TMEM135: variants seen among roughly 807,000 people sequenced by gnomAD.
TMEM135 encodes transmembrane protein 135, also known as peroxisomal membrane protein 52.
Under a neutral mutation model 60.3 loss-of-function variants are expected in TMEM135, and 30 were observed. That is an observed-to-expected ratio of 0.50 (90% confidence interval 0.37 to 0.68). The LOEUF (loss-of-function observed/expected upper bound fraction) is 0.68, where lower values mean the gene tolerates loss of function less well. TMEM135 is among the 30% of genes least tolerant of loss of function. The pLI, the probability that TMEM135 is intolerant of heterozygous loss-of-function variation, is 0.00. For synonymous variants in TMEM135, 190 were observed against 186.7 expected, an observed-to-expected ratio of 1.02 and a Z score of -0.14; for missense variants, 468 against 548.8, an observed-to-expected ratio of 0.85 and a Z score of 1.47.
chr11:87,235,091 A>T (rs918277271), intron 5 of TMEM135, among the ~76,000 whole-genome samples: 47 of 152,148 alleles, frequency 3.1e-4, no homozygotes, highest in African/African-American at 1.0e-3. Flanking sequence ...GAGTGTCATG[A>T]CTGGGTTTTG....
intron 6 of TMEM135, among the ~76,000 whole-genome samples, chr11:87,261,752 G>T (rs993128451): frequency 6.6e-6 from 1 of 152,040 alleles, no homozygotes; most frequent in Admixed American, 6.5e-5. Context: ...CTCCTGGGTG[G>T]CTGGGACCAC....
Position 87,094,649 on chromosome 11 carries a change from T to C in TMEM135, c.396+3254T>C, listed in dbSNP as rs191871700. 60 of 160,156 alleles carry C rather than the reference T, an allele frequency of 3.7e-4. No homozygotes were observed. In the East Asian group the frequency reaches 0.01, roughly 27 times the overall value. 9.9% of individuals were successfully genotyped at this position (160,156 alleles called of 1,614,324 possible). ...TGAGGGCAGTAGCCCAAGACCAACC[T>C]GGGTAACATAATGAGACCCCGTATC... On this transcript the variant is annotated intron_variant, in intron 4 of 14. Transcript: ENST00000305494.
At chr11:87,158,711 G>T (rs1009903561) in intron 5 of TMEM135, among the ~76,000 whole-genome samples, 1 of 152,066 alleles carries the variant, frequency 6.6e-6, no homozygotes, top group Non-Finnish European at 1.5e-5. Context: ...TACTCCGCCC[G>T]TCTTGGCCTC....
intron 14 of TMEM135, among the ~76,000 whole-genome samples, chr11:87,320,512 A>T (rs541166876): frequency 6.6e-6 from 1 of 152,318 alleles, no homozygotes; most frequent in South Asian, 2.1e-4. Context: ...GTGATTCAAA[A>T]CTAATTTCAT....
At chr11:87,162,369 C>G (rs1231279084) in intron 5 of TMEM135, among the ~76,000 whole-genome samples, 2 of 152,172 alleles carry the variant, frequency 1.3e-5, no homozygotes, top group Admixed American at 6.5e-5. Context: ...TATCCCTCCC[C>G]TAGCCCTCCA....
intron 1 of TMEM135, among the ~76,000 whole-genome samples, chr11:87,053,960 G>T (rs1244534771): frequency 6.6e-6 from 1 of 152,084 alleles, no homozygotes; most frequent in Non-Finnish European, 1.5e-5. Flanking sequence ...TGGATACTAG[G>T]AATATAGTTA....
In TMEM135 at chr11:87,289,850, T is replaced by C. The variant is rs1942235421; in HGVS notation, c.510-5932T>C. Among the ~76,000 whole-genome samples the C allele has an allele frequency of 3.9e-5, 6 of 152,210 alleles. No homozygotes were observed. In the South Asian group the frequency reaches 1.2e-3, roughly 31 times the overall value. On this transcript the variant is annotated intron_variant, in intron 6 of 14. Transcript: ENST00000305494. ...TTCACTTCTATGAGGTAAACTGTTT[T>C]TAGCTTCCACATATGAGTGAGAACA...
At position 87,328,048 on chromosome 11, in the gene TMEM135, T is replaced by A. The variant is rs1233387876; in HGVS notation, c.*6715T>A. The A allele has an allele frequency of 4.4e-6, 2 of 453,920 alleles. No individual in the cohort carries two copies. Among genetic ancestry groups the A allele is most frequent in the Non-Finnish European group, 8.8e-6 (2 of 226,782 alleles). The allele number at this position is 453,920 out of a possible 1,614,324, so 28.1% of individuals were successfully genotyped here. A position where few individuals can be genotyped will look rare whatever the true frequency, so the allele number is the denominator to read the frequency against. On this transcript the variant is annotated 3_prime_UTR_variant, in exon 15 of 15. Coordinates refer to ENST00000305494, the MANE Select transcript of TMEM135 (RefSeq NM_022918.4). ...CACCCCAAAATAATGCCTTACCAGT[T>A]CTCTAGATATTCCTTAATCCAGTCA...
chr11:87,069,497 C>T (rs1856734893), intron 2 of TMEM135, among the ~76,000 whole-genome samples: 2 of 152,048 alleles, frequency 1.3e-5, no homozygotes, highest in South Asian at 2.1e-4. Context: ...ATGTCACTTA[C>T]ATTTTGTTCC....
chr11:87,071,919 G>T (rs1378501319), intron 3 of TMEM135, among the ~76,000 whole-genome samples: 1 of 152,112 alleles, frequency 6.6e-6, no homozygotes. Flanking sequence ...AGGCCAGGCA[G>T]CTCATTCCTG....
chr11:87,307,380 C>CAAAAAAA (rs5793247), intron 9 of TMEM135, among the ~76,000 whole-genome samples: 2 of 137,920 alleles, frequency 1.5e-5, no homozygotes, highest in Non-Finnish European at 3.1e-5. Flanking sequence ...TTAAAGTGGC[C>CAAAAAAA]AAAAAAAAAA....
At chr11:87,195,367 T>TTCCA (rs1231480174) in intron 5 of TMEM135, among the ~76,000 whole-genome samples, 1 of 122,680 alleles carries the variant, frequency 8.2e-6, no homozygotes, top group African/African-American at 3.0e-5. Context: ...CCTTCCTTCC[T>TTCCA]TCCTTCCTTC....
intron 6 of TMEM135, among the ~76,000 whole-genome samples, chr11:87,285,730 G>T (rs1942152492): frequency 6.6e-6 from 1 of 152,196 alleles, no homozygotes; most frequent in South Asian, 2.1e-4. Context: ...CGTGGAAGGG[G>T]ACCCGAGCAG....
intron 1 of TMEM135, among the ~76,000 whole-genome samples, chr11:87,046,943 T>C (rs560804912): frequency 6.6e-6 from 1 of 152,308 alleles, no homozygotes; most frequent in Non-Finnish European, 1.5e-5. Context: ...GTTCTTAACA[T>C]TTGTGAACCT....
intron 4 of TMEM135, among the ~76,000 whole-genome samples, chr11:87,137,784 C>T (rs1017226338): frequency 5.3e-5 from 8 of 151,942 alleles, no homozygotes; most frequent in Non-Finnish European, 1.2e-4. Flanking sequence ...AGAAGCAAAG[C>T]AAGACATAAC....
chr11:87,181,084 A>T (rs965976301), intron 5 of TMEM135, among the ~76,000 whole-genome samples: 90 of 152,240 alleles, frequency 5.9e-4, no homozygotes, highest in African/African-American at 2.1e-3. Flanking sequence ...TGAAGTGAAC[A>T]GAAAGAATGA....
chr11:87,247,449 C>T (rs572415596), intron 6 of TMEM135, among the ~76,000 whole-genome samples: 2 of 152,216 alleles, frequency 1.3e-5, no homozygotes, highest in South Asian at 2.1e-4. Context: ...CTGTGCCATT[C>T]CCCCAGAGGT....
At chr11:87,308,901 A>G (rs1942595232) in intron 9 of TMEM135, among the ~76,000 whole-genome samples, 1 of 152,176 alleles carries the variant, frequency 6.6e-6, no homozygotes, top group African/African-American at 2.4e-5. Context: ...TTAGTTTAAT[A>G]TACTTTAAAG....
At chr11:87,313,630 A>T (rs1053070099) in intron 11 of TMEM135, 142 bp downstream of exon 11, 7 of 747,236 alleles carry the variant, frequency 9.4e-6, no homozygotes, top group Non-Finnish European at 1.6e-5. Flanking sequence ...ACTTGTCCAA[A>T]TACTTTGTGA....
Sources: gnomAD v4.1 joint callset for allele counts (sites outside exome capture counted in the v4.1 genomes callset) on GRCh38, gnomAD v4.1.1 for gene constraint, MANE v1.5 for transcripts, NCBI Gene and HGNC (gene_info 2026-07-23, HGNC 2026-07-21) for gene names.